IFT122: variants seen among roughly 807,000 people sequenced by gnomAD.
IFT122 encodes the protein intraflagellar transport protein 122 homolog.
In IFT122, 118 loss-of-function variants were observed where a neutral mutation model predicts 161.6. The ratio of observed to expected loss-of-function variants is 0.73; its 90% CI spans 0.63 to 0.85. The LOEUF is 0.85. IFT122 is among the 40% of genes least tolerant of loss of function. The pLI, the probability that IFT122 is intolerant of heterozygous loss-of-function variation, is 0.00. For missense variants in IFT122, 1,381 were observed against 1,579.6 expected (o/e 0.87, Z 2.13); for synonymous variants, 550 against 602.4 (o/e 0.91, Z 1.27).
rs1181757795 is a variant in IFT122 at position 129,507,667 on chromosome 3, G to T, written c.2792-1G>T. Reference sequence around the variant, plus strand: ...CCCCTCCCACCCGCTGCACACAGCAGATCCTGCCCAGAAGGACACAATGCT... The same window carrying T: ...CCCCTCCCACCCGCTGCACACAGCATATCCTGCCCAGAAGGACACAATGCT... On this transcript the variant is annotated splice_acceptor_variant, in intron 22 of 29. Coordinates refer to ENST00000348417, the MANE Select transcript of IFT122 (RefSeq NM_052989.3). LOFTEE classifies it high-confidence loss of function. 1 of 1,613,770 alleles carries T rather than the reference G, an allele frequency of 6.2e-7. No individual in the cohort carries two copies. The highest frequency in any genetic ancestry group is 8.5e-7 in the Non-Finnish European group (1 of 1,179,774).
At position 129,487,955 on chromosome 3, in the gene IFT122, G is replaced by A. The variant is rs143605827; in HGVS notation, c.1852-302G>A. 499 of 469,520 alleles carry A rather than the reference G, an allele frequency of 1.1e-3. 2 individuals carry two copies. Among genetic ancestry groups the A allele is most frequent in the African/African-American group, 9.1e-3 (465 of 50,826 alleles). The allele number at this position is 469,520 out of a possible 1,614,324, so 29.1% of individuals were successfully genotyped here. A position where few individuals can be genotyped will look rare whatever the true frequency, so the allele number is the denominator to read the frequency against. On this transcript the variant is annotated intron_variant, in intron 15 of 29. Transcript: ENST00000348417. ...ATTTTCCAGAGGCAGAGTGGGGAGG[G>A]GCAAAGGCATTCCAGGTGAGGGTGA... is the stretch of plus-strand genomic sequence containing the variant.
intron 14 of IFT122, among the ~76,000 whole-genome samples, chr3:129,482,700 G>T (rs757499045): frequency 1.3e-5 from 2 of 152,182 alleles, no homozygotes; most frequent in African/African-American, 2.4e-5. Flanking sequence ...ACCTGGGCTT[G>T]GGTCCTGCCT....
chr3:129,455,520 A>G (rs905420173), intron 3 of IFT122, among the ~76,000 whole-genome samples: 1 of 152,152 alleles, frequency 6.6e-6, no homozygotes, highest in Non-Finnish European at 1.5e-5. Context: ...AGTATGTAAG[A>G]CATAGTTTTT....
chr3:129,517,348 T>C, intron 26 of IFT122, 121 bp from the exon 27 acceptor site: 1 of 1,312,272 alleles, frequency 7.6e-7, no homozygotes, highest in Non-Finnish European at 1.1e-6. Context: ...CTGCTGCCTC[T>C]TCTTGCTTTT....
intron 26 of IFT122, among the ~76,000 whole-genome samples, chr3:129,516,321 GCACACACACAGAGACTGCCCCTGCA>G (rs1560021563): frequency 2.8e-4 from 20 of 70,270 alleles, no homozygotes; most frequent in African/African-American, 7.9e-4. Flanking sequence ...GACTGCCCCT[GCACACACACAGAGACTGCCCCTGCA>G]CACACACACA....
In IFT122 at chr3:129,458,634, G is replaced by A. The variant is rs369525803; in HGVS notation, c.229G>A (p.Val77Ile). 167 of 1,614,088 alleles carry A rather than the reference G, an allele frequency of 1.0e-4. No individual in the cohort carries two copies. Among genetic ancestry groups the A allele is most frequent in the South Asian group, 1.9e-4 (17 of 91,086 alleles). ...TGCTTCTGGATCAGCTGACAAAAGC[G>A]TTATTATCTGGACATCAAAACTGGA... ...RFASGSADKS[V>I]IIWTSKLEGI... Residue 77 changes from valine to isoleucine, a missense_variant, in exon 4 of 30, where the codon GTT becomes ATT. By Grantham distance (29) the Val-to-Ile change is conservative. This residue lies in a region of IFT122 where 134 missense variants were observed against 137.4 expected (regional missense o/e 0.98). Coordinates refer to ENST00000348417, the MANE Select transcript of IFT122 (RefSeq NM_052989.3).
At chr3:129,518,011 G>A (rs2084213931) in intron 27 of IFT122, among the ~76,000 whole-genome samples, 1 of 152,234 alleles carries the variant, frequency 6.6e-6, no homozygotes, top group South Asian at 2.1e-4. Flanking sequence ...AACAAGCAAA[G>A]GGTGTGCAAG....
intron 3 of IFT122, chr3:129,456,350 G>T: frequency 9.2e-7 from 1 of 1,083,450 alleles, no homozygotes; most frequent in Non-Finnish European, 1.2e-6. Context: ...TACTGTAAAA[G>T]GTACTTGGCC....
chr3:129,494,685 AGTGTGTGT>A (rs10579071), intron 17 of IFT122, among the ~76,000 whole-genome samples: 1 of 150,502 alleles, frequency 6.6e-6, no homozygotes, highest in Non-Finnish European at 1.5e-5. Context: ...AGCTGTGCTA[AGTGTGTGT>A]GTGTGTGTGT....
chr3:129,441,561 G>T (rs1021548717), intron 1 of IFT122, among the ~76,000 whole-genome samples: 1 of 152,186 alleles, frequency 6.6e-6, no homozygotes, highest in Non-Finnish European at 1.5e-5. Flanking sequence ...CAGCTTTCAA[G>T]CTCAGGTCTT....
chr3:129,498,908 C>G (rs1157863366), intron 18 of IFT122, among the ~76,000 whole-genome samples: 1 of 152,176 alleles, frequency 6.6e-6, no homozygotes, highest in Non-Finnish European at 1.5e-5. Context: ...TGGCAAACTC[C>G]CACGTGTGTA....
intron 7 of IFT122, among the ~76,000 whole-genome samples, chr3:129,466,495 C>CTTTTTTTTTTTTTTTTTTT (rs527470540): frequency 9.8e-5 from 10 of 102,182 alleles, no homozygotes; most frequent in African/African-American, 2.2e-4. Context: ...TATTTTTATT[C>CTTTTTTTTTTTTTTTTTTT]TTTTTTTTTT....
chr3:129,480,345 T>C lies in IFT122; in HGVS notation c.1488+423T>C, dbSNP rs532134140. Among the ~76,000 whole-genome samples, 5 of 152,328 alleles carry C rather than the reference T, an allele frequency of 3.3e-5. No homozygotes were observed. In the South Asian group the frequency reaches 6.2e-4, roughly 19 times the overall value. ...CCTAAAGAATGCTGGGTCCTCAAGA[T>C]ACTGATAGATGTCATAAGCAAAATG... On this transcript the variant is annotated intron_variant, in intron 13 of 29. Coordinates refer to ENST00000348417, the MANE Select transcript of IFT122 (RefSeq NM_052989.3).
chr3:129,492,753 C>T (rs921710008), intron 17 of IFT122, among the ~76,000 whole-genome samples: 4 of 151,686 alleles, frequency 2.6e-5, no homozygotes, highest in African/African-American at 4.9e-5. Context: ...CTGCAGTGTG[C>T]TAAGGAAGCT....
intron 16 of IFT122, among the ~76,000 whole-genome samples, chr3:129,490,861 G>A (rs1420856314): frequency 3.3e-5 from 5 of 152,168 alleles, no homozygotes; most frequent in Admixed American, 6.6e-5. Flanking sequence ...CCTTTTCTAC[G>A]AATTCCTCTT....
chr3:129,486,240 A>G (rs1044292755), intron 15 of IFT122, among the ~76,000 whole-genome samples: 11 of 152,210 alleles, frequency 7.2e-5, no homozygotes, highest in African/African-American at 2.7e-4. Flanking sequence ...GGCAGTCAGC[A>G]TGGCAAGCAG....
intron 2 of IFT122, among the ~76,000 whole-genome samples, chr3:129,450,717 T>G (rs2074683544): frequency 1.7e-5 from 2 of 115,532 alleles, no homozygotes; most frequent in African/African-American, 8.2e-5. Flanking sequence ...GTGTGTGTTT[T>G]TTTTTTTTTT....
intron 7 of IFT122, 39 bp from the exon 8 acceptor site, chr3:129,466,851 T>TA: frequency 2.5e-6 from 4 of 1,586,786 alleles, no homozygotes; most frequent in Non-Finnish European, 3.5e-6. Flanking sequence ...AGTGTAGTTC[T>TA]AGGCAATGTA....
At chr3:129,504,109 C>T (rs1212522409) in intron 20 of IFT122, 5 of 558,770 alleles carry the variant, frequency 8.9e-6, no homozygotes, top group East Asian at 3.1e-5. Context: ...TGAATCCAGT[C>T]GCTTGCATAT....
Sources: allele counts gnomAD v4.1 joint callset (sites outside exome capture counted in the v4.1 genomes callset), GRCh38; gene constraint gnomAD v4.1.1; regional missense constraint gnomAD v4.1.1; transcripts MANE v1.5; gene names NCBI Gene and HGNC (gene_info 2026-07-23, HGNC 2026-07-21).